Variants in RANBP2 observed in about 807,000 individuals in gnomAD.
RANBP2 encodes E3 SUMO-protein ligase RanBP2.
A neutral mutation model predicts 303.6 loss-of-function variants in RANBP2; 57 were observed. The ratio of observed to expected loss-of-function variants is 0.19; its 90% CI spans 0.15 to 0.23. The LOEUF (loss-of-function observed/expected upper bound fraction) is 0.23. Among genes scored for constraint, RANBP2 ranks in the 10% least tolerant of loss-of-function variants. The pLI, the probability that RANBP2 is intolerant of heterozygous loss-of-function variation, is 1.00. For synonymous variants in RANBP2, 1,167 were observed against 1,301.5 expected (o/e 0.90, Z 2.23); for missense variants, 3,138 against 3,780.8 (o/e 0.83, Z 4.46).
the RANBP2 span, among the ~76,000 whole-genome samples, chr2:109,059,691 C>T: frequency 7.0e-4 from 106 of 152,330 alleles, 2 homozygotes; most frequent in Middle Eastern, 0.041. Flanking sequence ...GTGCCAGCCC[C>T]GGGACAGGGG....
At chr2:108,898,581 A>G in the RANBP2 span, among the ~76,000 whole-genome samples, 14 of 152,344 alleles carry the variant, frequency 9.2e-5, no homozygotes, top group Non-Finnish European at 1.9e-4. Context: ...GAAGATGTCA[A>G]ATGAGTAAAA....
chr2:108,890,819 G>T, the RANBP2 span, among the ~76,000 whole-genome samples: 1 of 151,960 alleles, frequency 6.6e-6, no homozygotes, highest in African/African-American at 2.4e-5. Flanking sequence ...TGATCACTTT[G>T]TGTTTTCCCA....
At chr2:109,121,443 A>G in the RANBP2 span, among the ~76,000 whole-genome samples, 6 of 152,220 alleles carry the variant, frequency 3.9e-5, no homozygotes, top group African/African-American at 1.2e-4. Flanking sequence ...AATACCTGCA[A>G]TTAACTGCTT....
chr2:109,597,095 A>C, the RANBP2 span, among the ~76,000 whole-genome samples: 1 of 152,070 alleles, frequency 6.6e-6, no homozygotes, highest in East Asian at 1.9e-4. Flanking sequence ...CCACTGGCAC[A>C]TCCCAGCACA....
At chr2:109,667,383 C>T in the RANBP2 span, 6 of 458,570 alleles carry the variant, frequency 1.3e-5, no homozygotes, top group African/African-American at 4.1e-5. Context: ...CAGTTTTGAT[C>T]AGGAGGGGAT....
At chr2:108,860,935 C>CTTT in the RANBP2 span, among the ~76,000 whole-genome samples, 755 of 37,878 alleles carry the variant, frequency 0.02, 135 homozygotes, top group African/African-American at 0.075. Flanking sequence ...TGGTCCAGGA[C>CTTT]TTTTTTTTTT....
chr2:109,567,763 A>G, the RANBP2 span: 1 of 1,495,044 alleles, frequency 6.7e-7, no homozygotes, highest in East Asian at 2.3e-5. Context: ...CTCACAAATT[A>G]CAGTTTTATT....
the RANBP2 span, among the ~76,000 whole-genome samples, chr2:109,061,523 A>G: frequency 6.6e-6 from 1 of 152,132 alleles, no homozygotes; most frequent in Non-Finnish European, 1.5e-5. Context: ...GACTTCAGGG[A>G]AAGAACAGGG....
chr2:108,742,946 G>A (rs1351969786), intron 7 of RANBP2, among the ~76,000 whole-genome samples: 11 of 151,506 alleles, frequency 7.3e-5, no homozygotes, highest in African/African-American at 2.4e-4. Flanking sequence ...CCACCACCAC[G>A]CCCAGCTAAT....
chr2:109,523,142 G>T, the RANBP2 span, among the ~76,000 whole-genome samples: 3 of 152,116 alleles, frequency 2.0e-5, no homozygotes, highest in African/African-American at 7.2e-5. Flanking sequence ...CTGATGGCAG[G>T]CTCCTTCCAC....
At chr2:109,447,184 A>AAGAAAAC in the RANBP2 span, among the ~76,000 whole-genome samples, 3 of 151,590 alleles carry the variant, frequency 2.0e-5, no homozygotes, top group South Asian at 2.1e-4. Flanking sequence ...GAAAAAGAAA[A>AAGAAAAC]AGAAAACAGA....
the RANBP2 span, among the ~76,000 whole-genome samples, chr2:109,552,044 C>A: frequency 2.6e-5 from 4 of 152,192 alleles, no homozygotes; most frequent in African/African-American, 9.7e-5. Flanking sequence ...GCCTGAGCTC[C>A]GCCTACTGTC....
the RANBP2 span, among the ~76,000 whole-genome samples, chr2:109,112,627 C>T: frequency 6.6e-5 from 10 of 151,448 alleles, no homozygotes; most frequent in South Asian, 4.2e-4. Flanking sequence ...TGCAGAAGCT[C>T]TTTAGTTTAA....
the RANBP2 span, among the ~76,000 whole-genome samples, chr2:109,656,659 A>T: frequency 0.24 from 36,791 of 152,158 alleles, 4,630 homozygotes; most frequent in Non-Finnish European, 0.27. Context: ...AACATTCTAA[A>T]GGAAGCGCAG....
At chr2:108,908,159 C>G in the RANBP2 span, 1 of 933,592 alleles carries the variant, frequency 1.1e-6, no homozygotes, top group African/African-American at 1.7e-5. Flanking sequence ...TTACTGGGCA[C>G]CTTGTGGGCA....
At chr2:109,077,402 A>G in the RANBP2 span, among the ~76,000 whole-genome samples, 1 of 150,740 alleles carries the variant, frequency 6.6e-6, no homozygotes, top group South Asian at 2.1e-4. Flanking sequence ...ATGTCTTGGC[A>G]ATGATTTTTT....
intron 25 of RANBP2, 24 bp downstream of exon 25, chr2:108,777,255 T>C: frequency 1.3e-6 from 2 of 1,566,096 alleles, no homozygotes; most frequent in Admixed American, 1.7e-5. Flanking sequence ...GAGAGACTTT[T>C]AATGACATTG....
At chr2:109,416,454 G>A in the RANBP2 span, among the ~76,000 whole-genome samples, 1 of 152,012 alleles carries the variant, frequency 6.6e-6, no homozygotes, top group African/African-American at 2.4e-5. Context: ...AAAATATCTC[G>A]GCTCACTGCA....
the RANBP2 span, among the ~76,000 whole-genome samples, chr2:109,635,905 G>C: frequency 1.3e-5 from 2 of 152,200 alleles, no homozygotes; most frequent in Admixed American, 6.5e-5. Flanking sequence ...CATGAATGTT[G>C]GTATACTCCA....
Sources: allele counts gnomAD v4.1 joint callset (sites outside exome capture counted in the v4.1 genomes callset), GRCh38; gene constraint gnomAD v4.1.1; transcripts MANE v1.5; gene names NCBI Gene and HGNC (gene_info 2026-07-23, HGNC 2026-07-21).